The following ACOXL variants were observed in gnomAD, a reference collection of about 807,000 sequenced individuals.
ACOXL encodes acyl-CoA oxidase like, also known as acyl-coenzyme A oxidase-like protein.
Under a neutral mutation model 71.9 loss-of-function variants are expected in ACOXL, and 70 were observed. The observed-to-expected ratio is 0.97, with a 90% CI of 0.80 to 1.19. The LOEUF (loss-of-function observed/expected upper bound fraction) is 1.19, where lower values mean the gene tolerates loss of function less well. ACOXL is among the 50% of genes most tolerant of loss of function. ACOXL has a pLI of 0.00. For missense variants in ACOXL, 703 were observed against 736.3 expected (o/e 0.95, Z 0.52); for synonymous variants, 253 against 281.6 (o/e 0.90, Z 1.02).
At chr2:110,997,961 C>G (rs4849328) in intron 14 of ACOXL, among the ~76,000 whole-genome samples, 81,005 of 151,910 alleles carry the variant, frequency 0.53, 21,747 homozygotes, top group East Asian at 0.68. Context: ...TGAGGCAGGA[C>G]AATCTCTTGA....
At chr2:111,061,197 G>T (rs1340691098) in intron 16 of ACOXL, among the ~76,000 whole-genome samples, 1 of 152,062 alleles carries the variant, frequency 6.6e-6, no homozygotes, top group Non-Finnish European at 1.5e-5. Flanking sequence ...ATACATCAAA[G>T]AAATTCACAC....
At chr2:110,840,012 C>T (rs6707257) in intron 9 of ACOXL, among the ~76,000 whole-genome samples, 26,586 of 89,734 alleles carry the variant, frequency 0.3, 2,498 homozygotes, top group South Asian at 0.46. Context: ...TTGTTTTTGA[C>T]GGAGTCTCAC....
At chr2:111,025,547 T>C (rs542257713) in intron 14 of ACOXL, among the ~76,000 whole-genome samples, 2 of 152,330 alleles carry the variant, frequency 1.3e-5, no homozygotes, top group South Asian at 2.1e-4. Context: ...CTCATTGTGG[T>C]CTTAATCTGC....
chr2:110,777,276 C>G (rs943000675), intron 2 of ACOXL, among the ~76,000 whole-genome samples: 3 of 152,146 alleles, frequency 2.0e-5, no homozygotes, highest in Middle Eastern at 3.4e-3. Flanking sequence ...AAGGGTGGAG[C>G]CTGGTGGGAA....
At chr2:110,828,026 AG>A (rs1689365607) in intron 9 of ACOXL, among the ~76,000 whole-genome samples, 1 of 152,204 alleles carries the variant, frequency 6.6e-6, no homozygotes, top group Non-Finnish European at 1.5e-5. Flanking sequence ...GCTGGAGTGC[AG>A]TGGCATGATC....
At position 111,057,120 on chromosome 2, in the gene ACOXL, C is replaced by A. The variant is rs1010656261; in HGVS notation, c.1440+7832C>A. Among the ~76,000 whole-genome samples the A allele has an allele frequency of 7.9e-4, 121 of 152,220 alleles. 1 individual carries two copies. The highest frequency in any genetic ancestry group is 2.8e-3 in the African/African-American group (117 of 41,462). On this transcript the variant is annotated intron_variant, in intron 16 of 17. Coordinates refer to ENST00000439055, the MANE Select transcript of ACOXL (RefSeq NM_001142807.4). ...ACTCAACCTGGGTTTAGGGAAGACT[C>A]CCCTGAGGAGGTGATATTTGAGCTA...
intron 9 of ACOXL, among the ~76,000 whole-genome samples, chr2:110,811,531 T>A (rs1687312570): frequency 6.6e-6 from 1 of 152,104 alleles, no homozygotes; most frequent in Non-Finnish European, 1.5e-5. Context: ...TGACCGATGC[T>A]CATTCTGTTG....
chr2:111,029,404 G>A lies in ACOXL; in HGVS notation c.1282-2223G>A, dbSNP rs548131597. Reference sequence around the variant, plus strand: ...TGCCAGCAATACTCTCGAAGTTAATGCTGTCTCTGCACTTGGAGGCCGAGC... The same window carrying A: ...TGCCAGCAATACTCTCGAAGTTAATACTGTCTCTGCACTTGGAGGCCGAGC... On this transcript the variant is annotated intron_variant, in intron 14 of 17. Transcript: ENST00000439055. Among the ~76,000 whole-genome samples the A allele has an allele frequency of 3.3e-5, 5 of 152,348 alleles. No homozygotes were observed. In the South Asian group the frequency reaches 1.0e-3, roughly 32 times the overall value.
At chr2:110,827,304 G>A (rs1689278893) in intron 9 of ACOXL, among the ~76,000 whole-genome samples, 1 of 152,108 alleles carries the variant, frequency 6.6e-6, no homozygotes, top group African/African-American at 2.4e-5. Flanking sequence ...GGGCTCTCCC[G>A]GGTCATGATG....
In ACOXL at chr2:110,829,336, A is replaced by G. The variant is rs1296529153; in HGVS notation, c.754-12035A>G. On this transcript the variant is annotated intron_variant, in intron 9 of 17. Transcript: ENST00000439055. ...AGTTCGTTGGGTCCAGGTGGTGGTC[A>G]GCACTGGTCTCCTGCCTTACTGATA... 3.9e-5 allele frequency among the ~76,000 whole-genome samples: 6 copies of G among 152,298 alleles called. No individual in the cohort carries two copies. The South Asian group carries it at 1.0e-3, about 26-fold the overall frequency.
chr2:110,999,795 A>G (rs1041548840), intron 14 of ACOXL, among the ~76,000 whole-genome samples: 3 of 152,190 alleles, frequency 2.0e-5, no homozygotes, highest in African/African-American at 7.2e-5. Context: ...GTAACCTTGG[A>G]AGTGTACCCT....
intron 14 of ACOXL, among the ~76,000 whole-genome samples, chr2:110,997,107 G>A (rs2063431386): frequency 6.6e-6 from 1 of 152,230 alleles, no homozygotes; most frequent in Non-Finnish European, 1.5e-5. Flanking sequence ...AAATGCTACA[G>A]CTGCGGTGAA....
chr2:111,106,627 A>T (rs1343134926), intron 17 of ACOXL, among the ~76,000 whole-genome samples: 1 of 152,148 alleles, frequency 6.6e-6, no homozygotes, highest in Non-Finnish European at 1.5e-5. Context: ...TTGGCTATTA[A>T]ATTATAAAAC....
At chr2:110,950,055 TTTA>T (rs1177178513) in intron 12 of ACOXL, among the ~76,000 whole-genome samples, 2 of 151,998 alleles carry the variant, frequency 1.3e-5, no homozygotes, top group Admixed American at 6.5e-5. Flanking sequence ...TTTATGTTAT[TTTA>T]TTATTATTAT....
intron 10 of ACOXL, among the ~76,000 whole-genome samples, chr2:110,841,888 T>C (rs897947718): frequency 6.6e-6 from 1 of 152,238 alleles, no homozygotes; most frequent in African/African-American, 2.4e-5. Context: ...TGGTCTCTAC[T>C]GTATTACACT....
chr2:111,057,582 T>A (rs998101289), intron 16 of ACOXL, among the ~76,000 whole-genome samples: 1 of 150,792 alleles, frequency 6.6e-6, no homozygotes, highest in Non-Finnish European at 1.5e-5. Flanking sequence ...GGGAGAGGGG[T>A]GGTAGGGGAT....
At chr2:110,841,981 ATCCAGC>A (rs1691229530) in intron 10 of ACOXL, among the ~76,000 whole-genome samples, 1 of 152,200 alleles carries the variant, frequency 6.6e-6, no homozygotes, top group Non-Finnish European at 1.5e-5. Flanking sequence ...TTAAAGTAAG[ATCCAGC>A]TCCAGTGGAG....
chr2:111,098,792 G>A (rs1018439623), intron 17 of ACOXL: 1 of 152,078 alleles, frequency 6.6e-6, no homozygotes, highest in South Asian at 2.1e-4. Flanking sequence ...GTTAGCATAG[G>A]GAGATAGCAA....
intron 9 of ACOXL, among the ~76,000 whole-genome samples, chr2:110,808,827 G>A (rs1049984265): frequency 2.0e-5 from 3 of 152,218 alleles, no homozygotes; most frequent in African/African-American, 7.2e-5. Flanking sequence ...CATGAGTGTA[G>A]CAACTCATGT....
Sources: allele counts gnomAD v4.1 joint callset (sites outside exome capture counted in the v4.1 genomes callset), GRCh38; gene constraint gnomAD v4.1.1; transcripts MANE v1.5; gene names NCBI Gene and HGNC (gene_info 2026-07-23, HGNC 2026-07-21).